RPS6KA4: variants seen among roughly 807,000 people sequenced by gnomAD.
RPS6KA4 encodes the protein ribosomal protein S6 kinase alpha-4.
A neutral mutation model predicts 89.6 loss-of-function variants in RPS6KA4; 38 were observed. The ratio of observed to expected loss-of-function variants is 0.42; its 90% CI spans 0.33 to 0.56. RPS6KA4 has a LOEUF of 0.56. Among genes scored for constraint, RPS6KA4 ranks in the 20% least tolerant of loss-of-function variants. The pLI, the probability that RPS6KA4 is intolerant of heterozygous loss-of-function variation, is 0.07. For missense variants in RPS6KA4, 873 were observed against 1,098.8 expected (o/e 0.79, Z 2.90); for synonymous variants, 495 against 492.8 (o/e 1.00, Z -0.06).
At chr11:64,364,140 T>G (rs2036821442) in intron 8 of RPS6KA4, among the ~76,000 whole-genome samples, 1 of 103,152 alleles carries the variant, frequency 9.7e-6, no homozygotes, top group Non-Finnish European at 1.9e-5. Context: ...ACTCTTCCTC[T>G]TCTTTTTTTT....
At chr11:64,368,099 C>T in intron 9 of RPS6KA4, 33 bp from the exon 10 acceptor site, 1 of 1,610,252 alleles carries the variant, frequency 6.2e-7, no homozygotes, top group Non-Finnish European at 8.5e-7. Flanking sequence ...AACCCCCATG[C>T]CCATGCCCAT....
At position 64,360,182 on chromosome 11, in the gene RPS6KA4, G is replaced by A. The variant is rs1324347901; in HGVS notation, c.147G>A (p.Leu49=). Residue 49 remains leucine, a synonymous_variant, in exon 3 of 17, where the codon CTG becomes CTA. Coordinates refer to ENST00000334205, the MANE Select transcript of RPS6KA4 (RefSeq NM_003942.3). ...LGTGAYGKVF[L]VRKAGGHDAG... is the part of the protein sequence containing the mutation. ...CCACAGCCTACGGCAAGGTGTTCCTGGTGCGGAAGGCGGGCGGGCACGACG... is the reference window on the plus strand; with the variant it reads ...CCACAGCCTACGGCAAGGTGTTCCTAGTGCGGAAGGCGGGCGGGCACGACG... 1 of 1,547,550 alleles carries A rather than the reference G, an allele frequency of 6.5e-7. No homozygotes were observed. Among genetic ancestry groups the A allele is most frequent in the Non-Finnish European group, 8.7e-7 (1 of 1,146,470 alleles).
At chr11:64,366,062 C>T (rs948571414) in intron 9 of RPS6KA4, among the ~76,000 whole-genome samples, 2 of 151,888 alleles carry the variant, frequency 1.3e-5, no homozygotes, top group African/African-American at 4.8e-5. Context: ...AAGAGATCTT[C>T]ACTTTCTCAC....
In RPS6KA4 at chr11:64,359,791, G is replaced by T. The variant is rs1013611652; in HGVS notation, c.127+342G>T. 60 of 527,010 alleles carry T rather than the reference G, an allele frequency of 1.1e-4. 1 individual carries two copies. The highest frequency in any genetic ancestry group is 9.3e-4 in the South Asian group (38 of 40,898). The allele number at this position is 527,010 out of a possible 1,614,324, so 32.6% of individuals were successfully genotyped here. A position where few individuals can be genotyped will look rare whatever the true frequency, so the allele number is the denominator to read the frequency against. Reference sequence around the variant, plus strand: ...TCCCACATTTTGCAAATGCCCCAGCGCTGGTTTGCGCATCCCTTCCCCAGC... The same window carrying T: ...TCCCACATTTTGCAAATGCCCCAGCTCTGGTTTGCGCATCCCTTCCCCAGC... On this transcript the variant is annotated intron_variant, in intron 2 of 16. Transcript: ENST00000334205.
rs745672177 is a variant in RPS6KA4, at chr11:64,361,099, G to A, written c.463-35G>A. ...CTGGAGGAGCTGGGGAGGGTTTCGG[G>A]GAGGAAGCCTCAGCACCCCTCTTGC... On this transcript the variant is annotated intron_variant, in intron 4 of 16. Transcript: ENST00000334205. The surrounding 1 kb of genome is among the most constrained non-coding windows in gnomAD (Gnocchi z 4.7). The A allele has an allele frequency of 1.9e-6, 3 of 1,582,876 alleles. No homozygotes were observed. The highest frequency in any genetic ancestry group is 2.2e-5 in the East Asian group (1 of 44,674).
chr11:64,370,509 G>A lies in RPS6KA4; in HGVS notation c.1958-54G>A. 6.3e-7 allele frequency: 1 copy of A among 1,595,664 alleles called. No homozygotes were observed. Among genetic ancestry groups the A allele is most frequent in the South Asian group, 1.1e-5 (1 of 89,954 alleles). ...AGAGTGGGGCTGTTACGATCTCTTTGGGGCTCAGCCTTTACGCCAGGCTCC... is the reference window on the plus strand; with the variant it reads ...AGAGTGGGGCTGTTACGATCTCTTTAGGGCTCAGCCTTTACGCCAGGCTCC... On this transcript the variant is annotated intron_variant, in intron 15 of 16. Coordinates refer to ENST00000334205, the MANE Select transcript of RPS6KA4 (RefSeq NM_003942.3). This position sits in a 1 kb window ranked among gnomAD's most constrained non-coding sequence, Gnocchi z 4.1.
rs369007598 is a variant in RPS6KA4 at position 64,361,540 on chromosome 11, G to A, written c.642G>A (p.Gly214=). The part of the protein sequence containing the change: ...MAPEIIRSKT[G]HGKAVDWWSL... ...CCGAAATCATCCGTAGCAAGACGGGGCATGGCAAGGTAGGTTGGCAGGGAA... is the reference window on the plus strand; with the variant it reads ...CCGAAATCATCCGTAGCAAGACGGGACATGGCAAGGTAGGTTGGCAGGGAA... The change falls in exon 6 of 17, where the codon GGG becomes GGA. Residue 214 remains glycine, a synonymous_variant. Transcript: ENST00000334205. The surrounding 1 kb of genome is among the most constrained non-coding windows in gnomAD (Gnocchi z 4.7). 15 of 1,614,042 alleles carry A rather than the reference G, an allele frequency of 9.3e-6. No individual in the cohort carries two copies. The highest frequency in any genetic ancestry group is 2.7e-5 in the African/African-American group (2 of 74,928).
intron 2 of RPS6KA4, chr11:64,359,760 TC>T (rs979790988): frequency 9.6e-5 from 51 of 533,052 alleles, no homozygotes; most frequent in Non-Finnish European, 1.6e-4. Context: ...CAATATGGGA[TC>T]CCCCTCCCAC....
chr11:64,371,646 AT>A lies in RPS6KA4; in HGVS notation c.*172del, dbSNP rs2037080666. The A allele has an allele frequency of 9.6e-6, 5 of 519,284 alleles. No individual in the cohort carries two copies. Among genetic ancestry groups the A allele is most frequent in the Non-Finnish European group, 1.7e-5 (5 of 294,666 alleles). 32.2% of individuals were successfully genotyped at this position (519,284 alleles called of 1,614,324 possible). A position where few individuals can be genotyped will look rare whatever the true frequency, so the allele number is the denominator to read the frequency against. On this transcript the variant is annotated 3_prime_UTR_variant, in exon 17 of 17. Coordinates refer to ENST00000334205, the MANE Select transcript of RPS6KA4 (RefSeq NM_003942.3). Reference sequence around the variant, plus strand: ...GCAGAAGTATTTTTATAAGCAGAGAATTTTTTATGTCTTACCAGATAGAGTT... The same window carrying A: ...GCAGAAGTATTTTTATAAGCAGAGAATTTTTATGTCTTACCAGATAGAGTT...
chr11:64,366,576 A>G (rs943786200), intron 9 of RPS6KA4, among the ~76,000 whole-genome samples: 3 of 152,202 alleles, frequency 2.0e-5, no homozygotes, highest in Non-Finnish European at 4.4e-5. Context: ...CCTTAGCCTC[A>G]GTTCTCATCA....
chr11:64,370,600 C>G lies in RPS6KA4; in HGVS notation c.1995C>G (p.Leu665=). 1 of 1,587,772 alleles carries G rather than the reference C, an allele frequency of 6.3e-7. No individual in the cohort carries two copies. Reference sequence around the variant, plus strand: ...TGGACCCCGCCAAGCGGCTGAAGCTCGAGGGACTGCGGGGCAGCTCGTGGC... The same window carrying G: ...TGGACCCCGCCAAGCGGCTGAAGCTGGAGGGACTGCGGGGCAGCTCGTGGC... The part of the protein sequence containing the change: ...LTVDPAKRLK[L]EGLRGSSWLQ... Residue 665 remains leucine, a synonymous_variant, in exon 16 of 17, where the codon CTC becomes CTG. Coordinates refer to ENST00000334205, the MANE Select transcript of RPS6KA4 (RefSeq NM_003942.3). This position sits in a 1 kb window ranked among gnomAD's most constrained non-coding sequence, Gnocchi z 4.1.
chr11:64,365,012 C>T (rs1204264492), intron 8 of RPS6KA4, among the ~76,000 whole-genome samples: 1 of 151,716 alleles, frequency 6.6e-6, no homozygotes, highest in Non-Finnish European at 1.5e-5. Flanking sequence ...CTTGGCCTCC[C>T]AAAATCCTGG....
At position 64,366,208 on chromosome 11, in the gene RPS6KA4, G is replaced by C. The variant is rs201051082; in HGVS notation, c.1071+743G>C. Among the ~76,000 whole-genome samples, 45 of 142,730 alleles carry C rather than the reference G, an allele frequency of 3.2e-4. No individual in the cohort carries two copies. The East Asian group carries it at 3.9e-3, about 12-fold the overall frequency. 93.6% of individuals were successfully genotyped at this position (142,730 alleles called of 152,430 possible). On this transcript the variant is annotated intron_variant, in intron 9 of 16. Transcript: ENST00000334205. ...TTTTTTTGAGACGGAGTCTCACTCT[G>C]TCTCCAGGCTGGAGTGCAGTGGCTA...
chr11:64,366,710 C>T (rs1345365745), intron 9 of RPS6KA4, among the ~76,000 whole-genome samples: 3 of 152,236 alleles, frequency 2.0e-5, no homozygotes, highest in Non-Finnish European at 4.4e-5. Flanking sequence ...GTCTACATGG[C>T]AAGCTTCTAC....
chr11:64,361,031 G>C lies in RPS6KA4; in HGVS notation c.463-103G>C. 1.2e-6 allele frequency: 1 copy of C among 868,962 alleles called. No individual in the cohort carries two copies. 53.8% of individuals were successfully genotyped at this position (868,962 alleles called of 1,614,324 possible). A position where few individuals can be genotyped will look rare whatever the true frequency, so the allele number is the denominator to read the frequency against. ...CTGGAGACCCCCTCTACAGGCAGAT[G>C]ACTTTCTCTGGGGGGTCTCCTTATC... On this transcript the variant is annotated intron_variant, in intron 4 of 16. Coordinates refer to ENST00000334205, the MANE Select transcript of RPS6KA4 (RefSeq NM_003942.3). This position sits in a 1 kb window ranked among gnomAD's most constrained non-coding sequence, Gnocchi z 4.7.
Position 64,368,809 on chromosome 11 carries a change from C to T in RPS6KA4, c.1428+12C>T, listed in dbSNP as rs775341487. The T allele has an allele frequency of 7.1e-6, 11 of 1,539,064 alleles. No individual in the cohort carries two copies. Among genetic ancestry groups the T allele is most frequent in the Admixed American group, 5.9e-5 (3 of 51,166 alleles). ...TGCATCACGACCAGGTGATGGCTTC[C>T]GGCCAGGGGAGGGCGGAGAGAAAAG... is the stretch of plus-strand genomic sequence containing the variant. On this transcript the variant is annotated intron_variant, in intron 12 of 16. Transcript: ENST00000334205.
In RPS6KA4 at chr11:64,369,855, G is replaced by A; in HGVS notation, c.1759G>A (p.Asp587Asn). The A allele has an allele frequency of 6.4e-7, 1 of 1,570,504 alleles. No individual in the cohort carries two copies. Among genetic ancestry groups the A allele is most frequent in the Non-Finnish European group, 8.6e-7 (1 of 1,158,848 alleles). ...APELLAQQGYDESCDLWSLGV... is the reference protein window; with the variant it reads ...APELLAQQGYNESCDLWSLGV... ...CGAGCTGCTGGCGCAGCAGGGCTAC[G>A]ACGAGTCCTGCGACCTCTGGAGCCT... The change falls in exon 14 of 17, where the codon GAC becomes AAC. Residue 587 changes from aspartate (D) to asparagine (N), a missense_variant. Asp to Asn is a conservative substitution (Grantham distance 23, BLOSUM62 1). Coordinates refer to ENST00000334205, the MANE Select transcript of RPS6KA4 (RefSeq NM_003942.3).
chr11:64,370,819 G>T lies in RPS6KA4; in HGVS notation c.2121+93G>T, dbSNP rs2037046109. 3.6e-6 allele frequency: 5 copies of T among 1,404,794 alleles called. No homozygotes were observed. In the Admixed American group the frequency reaches 1.4e-4, roughly 39 times the overall value. The allele number at this position is 1,404,794 out of a possible 1,614,324, so 87.0% of individuals were successfully genotyped here. ...CGGCCATCGGAGCACAGAAAGGCGA[G>T]GTGAGGCCGGGCGCGGTGGCTCACG... is the stretch of plus-strand genomic sequence containing the variant. On this transcript the variant is annotated intron_variant, in intron 16 of 16. Coordinates refer to ENST00000334205, the MANE Select transcript of RPS6KA4 (RefSeq NM_003942.3). The surrounding 1 kb of genome is among the most constrained non-coding windows in gnomAD (Gnocchi z 4.1).
At chr11:64,359,940 C>G (rs1467048786) in intron 2 of RPS6KA4, among the ~76,000 whole-genome samples, 1 of 152,232 alleles carries the variant, frequency 6.6e-6, no homozygotes, top group Non-Finnish European at 1.5e-5. Context: ...TGCATGCTCC[C>G]CAGCCTGGTT....
Sources: gnomAD v4.1 joint callset for allele counts (sites outside exome capture counted in the v4.1 genomes callset) on GRCh38, gnomAD v4.1.1 for gene constraint, Gnocchi (gnomAD v3.1) non-coding constraint, MANE v1.5 for transcripts, NCBI Gene and HGNC (gene_info 2026-07-23, HGNC 2026-07-21) for gene names.